Variants in NSMCE1 observed in about 807,000 individuals in gnomAD.
NSMCE1 encodes the protein non-structural maintenance of chromosomes element 1 homolog.
In NSMCE1, 18 loss-of-function variants were observed where a neutral mutation model predicts 29.6. The observed-to-expected ratio is 0.61, with a 90% confidence interval of 0.42 to 0.90. NSMCE1 has a LOEUF of 0.90. Ranked by LOEUF, NSMCE1 falls within the 40% of genes least tolerant of loss-of-function variation. The probability of loss-of-function intolerance (pLI) is 0.00; values close to 1 mark genes in which losing one functional copy is unlikely to be tolerated. For synonymous variants in NSMCE1, 124 were observed against 133.4 expected, an observed-to-expected ratio of 0.93 and a Z score of 0.49; for missense variants, 314 against 343.6, an observed-to-expected ratio of 0.91 and a Z score of 0.68.
intron 2 of NSMCE1, among the ~76,000 whole-genome samples, chr16:27,251,187 T>TATATATATAA (rs1178205856): frequency 5.7e-5 from 3 of 52,806 alleles, no homozygotes; most frequent in Non-Finnish European, 9.2e-5. Context: ...TATATATATA[T>TATATATATAA]ATAAATATAT....
intron 2 of NSMCE1, among the ~76,000 whole-genome samples, chr16:27,244,592 G>A (rs779035364): frequency 7.2e-5 from 11 of 151,916 alleles, no homozygotes; most frequent in South Asian, 2.1e-4. Flanking sequence ...TTTGGAAAGC[G>A]TCTCCCGCAT....
intron 6 of NSMCE1, chr16:27,226,096 A>C: frequency 2.6e-6 from 1 of 386,816 alleles, no homozygotes; most frequent in Non-Finnish European, 4.8e-6. Flanking sequence ...AGGGCTCCCA[A>C]ACTCCTGCAC....
chr16:27,233,228 G>A (rs1268757510), intron 4 of NSMCE1, 81 bp from the exon 5 acceptor site: 2 of 1,267,044 alleles, frequency 1.6e-6, no homozygotes, highest in Non-Finnish European at 2.2e-6. Context: ...GTCTGGCAGA[G>A]GCACAGTAAA....
At position 27,258,812 on chromosome 16, in the gene NSMCE1, G is replaced by A. The variant is rs538873826; in HGVS notation, c.-11-1231C>T. On this transcript the variant is annotated intron_variant, in intron 1 of 7. Transcript: ENST00000361439. Reference sequence around the variant, plus strand: ...GTTGCCCAGGCTGGAGTGCAGTGGCGTGATCTCGGCTCACTACAACCTCTG... The same window carrying A: ...GTTGCCCAGGCTGGAGTGCAGTGGCATGATCTCGGCTCACTACAACCTCTG... 4.6e-5 allele frequency among the ~76,000 whole-genome samples: 7 copies of A among 151,678 alleles called. No individual in the cohort carries two copies. In the East Asian group the frequency reaches 9.7e-4, roughly 21 times the overall value.
At chr16:27,250,717 C>G (rs1016204856) in intron 2 of NSMCE1, among the ~76,000 whole-genome samples, 11 of 151,738 alleles carry the variant, frequency 7.2e-5, no homozygotes, top group Admixed American at 6.6e-4. Context: ...TGCTTAAACC[C>G]AGGAGGCGGA....
intron 2 of NSMCE1, among the ~76,000 whole-genome samples, chr16:27,250,924 C>T (rs1199764849): frequency 1.4e-5 from 2 of 144,278 alleles, no homozygotes; most frequent in African/African-American, 5.1e-5. Context: ...TCACTGCAAC[C>T]TCTGCCTCCC....
At chr16:27,234,304 T>C (rs371404987) in intron 3 of NSMCE1, 39 bp from the exon 4 acceptor site, 2 of 1,417,710 alleles carry the variant, frequency 1.4e-6, no homozygotes, top group South Asian at 1.1e-5. Flanking sequence ...GCTGTGCTCT[T>C]TGCGTGTTGG....
chr16:27,228,067 G>A (rs776973309), intron 5 of NSMCE1, among the ~76,000 whole-genome samples: 8 of 152,092 alleles, frequency 5.3e-5, no homozygotes, highest in Non-Finnish European at 7.4e-5. Context: ...TTGCAGGCGT[G>A]AGTCACCGCA....
intron 2 of NSMCE1, among the ~76,000 whole-genome samples, chr16:27,238,337 T>C (rs959329896): frequency 3.3e-5 from 5 of 152,134 alleles, no homozygotes; most frequent in Admixed American, 3.3e-4. Flanking sequence ...CCCAGCCTCC[T>C]GATCCTCTGG....
chr16:27,241,670 C>A (rs901156464), intron 2 of NSMCE1: 1 of 215,886 alleles, frequency 4.6e-6, no homozygotes, highest in African/African-American at 2.3e-5. Flanking sequence ...CAAGCATGGC[C>A]AGTGAACAAT....
At chr16:27,234,162 T>C in intron 4 of NSMCE1, 26 bp downstream of exon 4, 1 of 1,490,150 alleles carries the variant, frequency 6.7e-7, no homozygotes, top group Non-Finnish European at 9.4e-7. Flanking sequence ...GCCCACCCAA[T>C]GGGCAATGGG....
chr16:27,254,753 T>G (rs946511799), intron 2 of NSMCE1, among the ~76,000 whole-genome samples: 3 of 151,940 alleles, frequency 2.0e-5, no homozygotes, highest in Non-Finnish European at 4.4e-5. Context: ...ACCTGGCTAA[T>G]TTTTTGTACT....
At chr16:27,267,486 C>A (rs1014956834) in intron 1 of NSMCE1, among the ~76,000 whole-genome samples, 12 of 152,132 alleles carry the variant, frequency 7.9e-5, no homozygotes, top group Non-Finnish European at 1.3e-4. Flanking sequence ...TACAACAGCA[C>A]AGTTCCTGTT....
In NSMCE1 at chr16:27,243,074, C is replaced by T. The variant is rs145798727; in HGVS notation, c.137-7775G>A. Among the ~76,000 whole-genome samples the T allele has an allele frequency of 1.6e-4, 25 of 152,372 alleles. No homozygotes were observed. The East Asian group carries it at 4.6e-3, about 28-fold the overall frequency. ...TGTGGGCACAGCAGGGAGCTGGCGGCACGCATTCTACCAAAGAAGGCAGCA... is the reference window on the plus strand; with the variant it reads ...TGTGGGCACAGCAGGGAGCTGGCGGTACGCATTCTACCAAAGAAGGCAGCA... On this transcript the variant is annotated intron_variant, in intron 2 of 7. Transcript: ENST00000361439.
At chr16:27,249,075 C>T (rs1276642198) in intron 2 of NSMCE1, among the ~76,000 whole-genome samples, 1 of 152,200 alleles carries the variant, frequency 6.6e-6, no homozygotes, top group Non-Finnish European at 1.5e-5. Flanking sequence ...AGCAATCCAC[C>T]GGCTTCAGCC....
rs186201134 is a variant in NSMCE1 at position 27,226,523 on chromosome 16, G to A, written c.600+197C>T. On this transcript the variant is annotated intron_variant, in intron 6 of 7. Coordinates refer to ENST00000361439, the MANE Select transcript of NSMCE1 (RefSeq NM_145080.4). ...CAACAGCAGAACCAGGGAGGAGGGC[G>A]GCAGTGCGTCCCTGCGGGGCACAGC... 2,122 of 534,448 alleles carry A rather than the reference G, an allele frequency of 4.0e-3. 20 individuals carry two copies. Among genetic ancestry groups the A allele is most frequent in the Admixed American group, 0.029 (825 of 28,336 alleles). 33.1% of individuals were successfully genotyped at this position (534,448 alleles called of 1,614,324 possible).
intron 1 of NSMCE1, 62 bp from the exon 2 acceptor site, chr16:27,257,643 T>C (rs1243863804): frequency 1.7e-5 from 23 of 1,323,872 alleles, no homozygotes; most frequent in Middle Eastern, 1.9e-4. Flanking sequence ...GTCCTGGGTC[T>C]TGTACTAATT....
At position 27,236,572 on chromosome 16, in the gene NSMCE1, T is replaced by C. The variant is rs145410046; in HGVS notation, c.137-1273A>G. On this transcript the variant is annotated intron_variant, in intron 2 of 7. Transcript: ENST00000361439. ...TCAGCTTCCCAAAGTGCTGGGATTA[T>C]AGGCGTGAGCCACCACGCCCAGCTT... is the stretch of plus-strand genomic sequence containing the variant. Among the ~76,000 whole-genome samples the C allele has an allele frequency of 2.2e-4, 33 of 152,304 alleles. No homozygotes were observed. The South Asian group carries it at 3.1e-3, about 14-fold the overall frequency.
Position 27,233,149 on chromosome 16 carries a change from T to G in NSMCE1, c.337-2A>C. On this transcript the variant is annotated splice_acceptor_variant, in intron 4 of 7. Coordinates refer to ENST00000361439, the MANE Select transcript of NSMCE1 (RefSeq NM_145080.4). LOFTEE classifies it high-confidence loss of function. ...TTCTGAGTCAATAATCAGTTCCAGC[T>G]GGAAGAAAGAGCAGGTATCATGCTC... The G allele has an allele frequency of 6.2e-7, 1 of 1,611,148 alleles. No individual in the cohort carries two copies. Among genetic ancestry groups the G allele is most frequent in the Non-Finnish European group, 8.5e-7 (1 of 1,179,152 alleles).
Sources: allele counts gnomAD v4.1 joint callset (sites outside exome capture counted in the v4.1 genomes callset), GRCh38; gene constraint gnomAD v4.1.1; transcripts MANE v1.5; gene names NCBI Gene and HGNC (gene_info 2026-07-23, HGNC 2026-07-21).